The following ISM1 variants were observed in gnomAD, a reference collection of about 807,000 sequenced individuals.
ISM1 encodes isthmin-1.
ISM1 carries 25 observed loss-of-function variants against 46.3 expected under a neutral mutation model. The observed-to-expected ratio is 0.54, with a 90% CI of 0.39 to 0.75. The LOEUF (loss-of-function observed/expected upper bound fraction) is 0.75. ISM1 is among the 30% of genes least tolerant of loss of function. The probability of loss-of-function intolerance (pLI) is 0.00; values close to 1 mark genes in which losing one functional copy is unlikely to be tolerated. For synonymous variants in ISM1, 255 were observed against 256.7 expected (o/e 0.99, Z 0.06); for missense variants, 536 against 625.4 (o/e 0.86, Z 1.52).
intron 1 of ISM1, among the ~76,000 whole-genome samples, chr20:13,232,530 T>G (rs1832039204): frequency 6.6e-6 from 1 of 152,284 alleles, no homozygotes; most frequent in South Asian, 2.1e-4. Flanking sequence ...ACCATATGTT[T>G]ACCCATTGAC....
At position 13,300,176 on chromosome 20, in the gene ISM1, A is replaced by G. The variant is rs939038602; in HGVS notation, c.*717A>G. Reference sequence around the variant, plus strand: ...AAATAGGCTTTAAAATAAAAGATCAATATTATCATAATGCTATCATTCTGC... The same window carrying G: ...AAATAGGCTTTAAAATAAAAGATCAGTATTATCATAATGCTATCATTCTGC... On this transcript the variant is annotated 3_prime_UTR_variant, in exon 6 of 6. Transcript: ENST00000262487. The G allele has an allele frequency of 1.3e-5, 2 of 152,214 alleles. No homozygotes were observed. Among genetic ancestry groups the G allele is most frequent in the African/African-American group, 2.4e-5 (1 of 41,452 alleles). The allele number at this position is 152,214 out of a possible 1,614,324, so 9.4% of individuals were successfully genotyped here.
chr20:13,273,598 T>C (rs1486867673), intron 2 of ISM1, among the ~76,000 whole-genome samples: 1 of 152,178 alleles, frequency 6.6e-6, no homozygotes, highest in Admixed American at 6.5e-5. Flanking sequence ...TGAAAGGCAG[T>C]TGGGACTCCC....
At chr20:13,270,822 T>G in intron 2 of ISM1, 79 bp downstream of exon 2, 1 of 1,378,666 alleles carries the variant, frequency 7.3e-7, no homozygotes. Context: ...TGGAAACTGC[T>G]GCCTTACCTC....
chr20:13,246,985 C>T (rs1377801239), intron 1 of ISM1, among the ~76,000 whole-genome samples: 1 of 152,038 alleles, frequency 6.6e-6, no homozygotes, highest in African/African-American at 2.4e-5. Context: ...CCTGTAATCC[C>T]AGCACTTTGG....
At chr20:13,274,830 T>C (rs1409385821) in intron 2 of ISM1, among the ~76,000 whole-genome samples, 2 of 152,164 alleles carry the variant, frequency 1.3e-5, no homozygotes, top group African/African-American at 2.4e-5. Context: ...GGCTTCAAGC[T>C]GTGGAAGTGA....
chr20:13,224,841 C>CTTTTTTTTTTT (rs1162270732), intron 1 of ISM1, among the ~76,000 whole-genome samples: 1 of 107,258 alleles, frequency 9.3e-6, no homozygotes, highest in Non-Finnish European at 1.9e-5. Context: ...AGCTTTCTTT[C>CTTTTTTTTTTT]TTTTTTTTTT....
chr20:13,299,337 A>G lies in ISM1; in HGVS notation c.1273A>G (p.Ile425Val). The G allele has an allele frequency of 6.2e-7, 1 of 1,613,928 alleles. No individual in the cohort carries two copies. Residue 425 changes from isoleucine to valine, a missense_variant, in exon 6 of 6, where the codon ATC (isoleucine) becomes GTC (valine). This residue lies in a region of ISM1 where 169 missense variants were observed against 249.3 expected (regional missense o/e 0.68). Transcript: ENST00000262487. This position sits in a 1 kb window ranked among gnomAD's most constrained non-coding sequence, Gnocchi z 5.8. ...HYKVDVLPWI[I>V]CKGDWSRYNE... ...CAAGGTGGACGTCCTGCCCTGGATTATCTGCAAGGGTGACTGGAGCAGGTA... is the reference window on the plus strand; with the variant it reads ...CAAGGTGGACGTCCTGCCCTGGATTGTCTGCAAGGGTGACTGGAGCAGGTA...
intron 5 of ISM1, among the ~76,000 whole-genome samples, chr20:13,295,130 C>T (rs1157414577): frequency 6.6e-6 from 1 of 152,208 alleles, no homozygotes; most frequent in Non-Finnish European, 1.5e-5. Flanking sequence ...GCTGGAGTCA[C>T]TGCTGATGTC....
At chr20:13,240,876 A>G (rs2039713027) in intron 1 of ISM1, among the ~76,000 whole-genome samples, 1 of 152,166 alleles carries the variant, frequency 6.6e-6, no homozygotes. Context: ...CCAGTTTCAC[A>G]AGGGTAGAGT....
At chr20:13,317,542 T>C in the ISM1 span, among the ~76,000 whole-genome samples, 1 of 151,914 alleles carries the variant, frequency 6.6e-6, no homozygotes, top group African/African-American at 2.4e-5. Context: ...CTCTAAGACA[T>C]AATATAAAGC....
At chr20:13,240,784 G>A (rs866771696) in intron 1 of ISM1, among the ~76,000 whole-genome samples, 16 of 152,178 alleles carry the variant, frequency 1.1e-4, no homozygotes, top group Admixed American at 2.6e-4. Context: ...ATGGATGCAA[G>A]GCACAGTTCT....
At chr20:13,303,577 G>A (rs2040476386), downstream of ISM1, among the ~76,000 whole-genome samples, 1 of 152,188 alleles carries the variant, frequency 6.6e-6, no homozygotes, top group Non-Finnish European at 1.5e-5. Context: ...ACTGCACCTG[G>A]CATGCATAGT....
rs77255807 is a variant in ISM1 at position 13,270,669 on chromosome 20, T to C, written c.304T>C (p.Ser102Pro). Residue 102 changes from serine (S) to proline (P), a missense_variant, in exon 2 of 6, where the codon TCC (serine) becomes CCC (proline). Physicochemically the swap from Ser to Pro is moderately conservative, Grantham distance 74 (BLOSUM62 -1). Transcript: ENST00000262487. ...HPSLQRDFPR[S>P]FLLDLPNFPD... ...TTCATTGCAAAGAGATTTCCCCAGA[T>C]CCTTTCTCCTTGATCTACCAAACTT... 0.029 allele frequency: 46,874 copies of C among 1,613,862 alleles called. 790 individuals are homozygous for C. Among genetic ancestry groups the C allele is most frequent in the Middle Eastern group, 0.045 (273 of 6,062 alleles).
chr20:13,298,953 T>C lies in ISM1; in HGVS notation c.889T>C (p.Cys297Arg). The C allele has an allele frequency of 6.2e-7, 1 of 1,613,438 alleles. No homozygotes were observed. The highest frequency in any genetic ancestry group is 8.5e-7 in the Non-Finnish European group (1 of 1,179,678). The change falls in exon 6 of 6, where the codon TGT becomes CGT. Residue 297 changes from cysteine to arginine, a missense_variant. By Grantham distance (180) the Cys-to-Arg change is radical (BLOSUM62 -3). Coordinates refer to ENST00000262487, the MANE Select transcript of ISM1 (RefSeq NM_080826.2). ...TTGGCCTTTTCCAGACACAGACAGC[T>C]GTGAGCGCTGGATGAGCTGCAAAAG... ...TKLFEVDTDS[C>R]ERWMSCKSEF...
chr20:13,248,950 A>G (rs1337160812), intron 1 of ISM1, among the ~76,000 whole-genome samples: 1 of 152,224 alleles, frequency 6.6e-6, no homozygotes, highest in Non-Finnish European at 1.5e-5. Context: ...AAAGTGCTGT[A>G]ACTTCTTAAG....
intron 2 of ISM1, among the ~76,000 whole-genome samples, chr20:13,273,580 G>C (rs1206566943): frequency 2.0e-5 from 3 of 152,112 alleles, no homozygotes; most frequent in Non-Finnish European, 2.9e-5. Context: ...AAGCTATAGC[G>C]TAAAGGCTGA....
chr20:13,231,512 G>A (rs1036606351), intron 1 of ISM1, among the ~76,000 whole-genome samples: 3 of 152,206 alleles, frequency 2.0e-5, no homozygotes, highest in Non-Finnish European at 4.4e-5. Flanking sequence ...CCTCAGAGGC[G>A]TGTGGGATTG....
At chr20:13,314,806 T>C in the ISM1 span, among the ~76,000 whole-genome samples, 4 of 152,122 alleles carry the variant, frequency 2.6e-5, no homozygotes, top group Admixed American at 1.3e-4. Flanking sequence ...TTTATTCAAT[T>C]ATGCACATAT....
chr20:13,230,179 A>G (rs2039573180), intron 1 of ISM1, among the ~76,000 whole-genome samples: 1 of 152,190 alleles, frequency 6.6e-6, no homozygotes, highest in Non-Finnish European at 1.5e-5. Flanking sequence ...AATCTCAATA[A>G]CATTTTCCAT....
Sources: gnomAD v4.1 joint callset for allele counts (sites outside exome capture counted in the v4.1 genomes callset) on GRCh38, gnomAD v4.1.1 for gene constraint, gnomAD v4.1.1 regional missense constraint, Gnocchi (gnomAD v3.1) non-coding constraint, MANE v1.5 for transcripts, NCBI Gene and HGNC (gene_info 2026-07-23, HGNC 2026-07-21) for gene names.